Variants in NOP53 observed in about 807,000 individuals in gnomAD.
The protein encoded by NOP53 is NOP53 ribosome biogenesis factor.
NOP53 carries 40 observed loss-of-function variants against 61.0 expected under a neutral mutation model. That is an observed-to-expected ratio of 0.66 (90% CI 0.51 to 0.85). The LOEUF (loss-of-function observed/expected upper bound fraction) is 0.85, where lower values mean the gene tolerates loss of function less well. Ranked by LOEUF, NOP53 falls within the 40% of genes least tolerant of loss-of-function variation. The probability of loss-of-function intolerance (pLI) is 0.00; values close to 1 mark genes in which losing one functional copy is unlikely to be tolerated. For synonymous variants in NOP53, 308 were observed against 289.5 expected (o/e 1.06, Z -0.65); for missense variants, 689 against 652.9 (o/e 1.06, Z -0.60).
rs764922480 is a variant in NOP53 at position 47,751,483 on chromosome 19, G to A, written c.599-37G>A. The A allele has an allele frequency of 4.5e-6, 7 of 1,555,024 alleles. No homozygotes were observed. In the African/African-American group the frequency reaches 9.5e-5, roughly 21 times the overall value. ...GAGCCTTTGGTGCCTCTTCCATGCT[G>A]GGACTGTCCCAGCAGCTCCCCTCGC... On this transcript the variant is annotated intron_variant, in intron 4 of 12. Coordinates refer to ENST00000246802, the MANE Select transcript of NOP53 (RefSeq NM_015710.5).
Position 47,751,014 on chromosome 19 carries a change from C to G in NOP53, c.505C>G (p.Gln169Glu), listed in dbSNP as rs11538675. Reference sequence around the variant, plus strand: ...GCTGCCCCGGGAGGTGCGCAGGGCCCAGGCCCGGCTCCTCAACCCTTCTGC... The same window carrying G: ...GCTGCCCCGGGAGGTGCGCAGGGCCGAGGCCCGGCTCCTCAACCCTTCTGC... ...GELPREVRRA[Q>E]ARLLNPSATR... The change falls in exon 4 of 13, where the codon CAG becomes GAG. Residue 169 changes from glutamine to glutamate, a missense_variant. Physicochemically the swap from Gln to Glu is conservative, Grantham distance 29 (BLOSUM62 2). Transcript: ENST00000246802. 1.9e-6 allele frequency: 3 copies of G among 1,597,892 alleles called. No individual in the cohort carries two copies. Among genetic ancestry groups the G allele is most frequent in the East Asian group, 4.5e-5 (2 of 44,300 alleles).
At chr19:47,750,017 C>T (rs949561880) in intron 2 of NOP53, among the ~76,000 whole-genome samples, 161 bp from the exon 3 acceptor site, 1 of 152,146 alleles carries the variant, frequency 6.6e-6, no homozygotes, top group Admixed American at 6.5e-5. Flanking sequence ...TGGGCCCCAT[C>T]CTTAGGGGCC....
rs549154983 is a variant in NOP53 at position 47,754,425 on chromosome 19, G to A, written c.766-102G>A. 35 of 901,036 alleles carry A rather than the reference G, an allele frequency of 3.9e-5. No homozygotes were observed. In the South Asian group the frequency reaches 4.0e-4, roughly 10 times the overall value. 55.8% of individuals were successfully genotyped at this position (901,036 alleles called of 1,614,324 possible). ...TGGGGAGGAAAGCCTGGGCCGGGGC[G>A]GGATCCACGGGCACTGGATGAGGGA... On this transcript the variant is annotated intron_variant, in intron 6 of 12. Coordinates refer to ENST00000246802, the MANE Select transcript of NOP53 (RefSeq NM_015710.5). The surrounding 1 kb of genome is among the most constrained non-coding windows in gnomAD (Gnocchi z 4.2).
intron 10 of NOP53, 105 bp from the exon 11 acceptor site, chr19:47,756,423 T>G (rs1967198470): frequency 2.0e-5 from 17 of 851,654 alleles, no homozygotes; most frequent in Non-Finnish European, 2.8e-5. Flanking sequence ...CAGGCTGCCC[T>G]GGGGGGAGAC....
Position 47,745,778 on chromosome 19 carries a change from G to C in NOP53, c.219G>C (p.Thr73=), listed in dbSNP as rs768980327. The C allele has an allele frequency of 5.2e-6, 8 of 1,548,492 alleles. No homozygotes were observed. In the Admixed American group the frequency reaches 1.4e-4, roughly 27 times the overall value. ...AAGACGTGCGGCTACAGGAGCGCAC[G>C]AGCGGGTACGTTGGGCGGGACTTCC... ...FLEDVRLQER[T]SGGLLSEAPN... is the part of the protein sequence containing the mutation. Residue 73 remains threonine (T), a synonymous_variant, in exon 1 of 13, where the codon ACG becomes ACC. Coordinates refer to ENST00000246802, the MANE Select transcript of NOP53 (RefSeq NM_015710.5).
At chr19:47,752,732 G>C in intron 6 of NOP53, 125 bp downstream of exon 6, 1 of 658,208 alleles carries the variant, frequency 1.5e-6, no homozygotes, top group Non-Finnish European at 2.8e-6. Context: ...CCGCAACGGG[G>C]CTCACGGTCC....
intron 5 of NOP53, 24 bp from the exon 6 acceptor site, chr19:47,752,488 C>G: frequency 6.7e-7 from 1 of 1,491,262 alleles, no homozygotes; most frequent in East Asian, 2.3e-5. Flanking sequence ...ACGGCCTTAC[C>G]CTGCCTCGGC....
In NOP53 at chr19:47,757,023, A is replaced by T. The variant is rs746474832; in HGVS notation, c.*18A>T. ...GGTTGTAGCTGCCATCAGATGCCGG[A>T]GACTCGCCCTTCAATAAAAAATCTC... On this transcript the variant is annotated 3_prime_UTR_variant, in exon 13 of 13. Coordinates refer to ENST00000246802, the MANE Select transcript of NOP53 (RefSeq NM_015710.5). 2.5e-5 allele frequency: 40 copies of T among 1,613,362 alleles called. No individual in the cohort carries two copies. The highest frequency in any genetic ancestry group is 3.3e-5 in the Non-Finnish European group (39 of 1,179,578).
chr19:47,755,624 A>T lies in NOP53; in HGVS notation c.1229+101A>T, dbSNP rs1337688923. On this transcript the variant is annotated intron_variant, in intron 9 of 12. Transcript: ENST00000246802. ...TGTTCAGGAACTGCCCACCCCCCCC[A>T]TCGGGAGACCACCTCTTCCCCCACA... 13 of 1,237,298 alleles carry T rather than the reference A, an allele frequency of 1.1e-5. No homozygotes were observed. The East Asian group carries it at 3.5e-4, about 34-fold the overall frequency. 76.6% of individuals were successfully genotyped at this position (1,237,298 alleles called of 1,614,324 possible).
In NOP53 at chr19:47,754,436, G is replaced by A. The variant is rs2123677466; in HGVS notation, c.766-91G>A. ...GCCTGGGCCGGGGCGGGATCCACGGGCACTGGATGAGGGACAGATGGGAGG... is the reference window on the plus strand; with the variant it reads ...GCCTGGGCCGGGGCGGGATCCACGGACACTGGATGAGGGACAGATGGGAGG... On this transcript the variant is annotated intron_variant, in intron 6 of 12. Coordinates refer to ENST00000246802, the MANE Select transcript of NOP53 (RefSeq NM_015710.5). The surrounding 1 kb of genome is among the most constrained non-coding windows in gnomAD (Gnocchi z 4.2). 3 of 1,005,852 alleles carry A rather than the reference G, an allele frequency of 3.0e-6. No individual in the cohort carries two copies. Among genetic ancestry groups the A allele is most frequent in the East Asian group, 5.3e-5 (2 of 37,986 alleles). 62.3% of individuals were successfully genotyped at this position (1,005,852 alleles called of 1,614,324 possible).
rs750418232 is a variant in NOP53, at chr19:47,754,862, C to T, written c.1024C>T (p.Arg342Trp). ...CACAGAGAAGAAGACGGAGCAGCAG[C>T]GGCGGCGGGAGAAGGCTGTGCACAG... ...ATTEKKTEQQRRREKAVHRLR... is the reference protein window; with the variant it reads ...ATTEKKTEQQWRREKAVHRLR... Residue 342 changes from arginine (R) to tryptophan (W), a missense_variant, in exon 8 of 13, where the codon CGG (arginine) becomes TGG (tryptophan). Physicochemically the swap from Arg to Trp is moderately radical, Grantham distance 101 (BLOSUM62 -3). Coordinates refer to ENST00000246802, the MANE Select transcript of NOP53 (RefSeq NM_015710.5). This position sits in a 1 kb window ranked among gnomAD's most constrained non-coding sequence, Gnocchi z 4.2. The T allele has an allele frequency of 9.2e-6, 14 of 1,527,920 alleles. No individual in the cohort carries two copies. The highest frequency in any genetic ancestry group is 2.8e-5 in the African/African-American group (2 of 71,694). The allele number at this position is 1,527,920 out of a possible 1,614,324, so 94.6% of individuals were successfully genotyped here.
intron 1 of NOP53, 28 bp downstream of exon 1, chr19:47,745,811 G>T (rs757298179): frequency 6.8e-7 from 1 of 1,467,280 alleles, no homozygotes; most frequent in South Asian, 1.4e-5. Flanking sequence ...TCCGGGAGGT[G>T]GGACGGTTCC....
At chr19:47,751,655 G>A in intron 5 of NOP53, 65 bp downstream of exon 5, 1 of 1,201,428 alleles carries the variant, frequency 8.3e-7, no homozygotes, top group South Asian at 1.2e-5. Flanking sequence ...GCTGCTCTGT[G>A]TTCCTGCAGT....
chr19:47,754,794 C>A lies in NOP53; in HGVS notation c.956C>A (p.Ala319Asp). 6.5e-7 allele frequency: 1 copy of A among 1,531,288 alleles called. No individual in the cohort carries two copies. The highest frequency in any genetic ancestry group is 8.8e-7 in the Non-Finnish European group (1 of 1,141,014). 94.9% of individuals were successfully genotyped at this position (1,531,288 alleles called of 1,614,324 possible). ...GEPGQGEGPE[A>D]GDAEVCPTPA... ...CCAGGCCAGGGCGAGGGGCCGGAGG[C>A]TGGGGATGCCGAGGTCTGTCCCACG... The change falls in exon 8 of 13, where the codon GCT (alanine) becomes GAT (aspartate). Residue 319 changes from alanine to aspartate, a missense_variant. Coordinates refer to ENST00000246802, the MANE Select transcript of NOP53 (RefSeq NM_015710.5). The surrounding 1 kb of genome is among the most constrained non-coding windows in gnomAD (Gnocchi z 4.2).
In NOP53 at chr19:47,754,836, C is replaced by T. The variant is rs1185661319; in HGVS notation, c.998C>T (p.Thr333Ile). ...TGTCCCACGCCCGCCCGCCTGGCCA[C>T]CACAGAGAAGAAGACGGAGCAGCAG... ...EVCPTPARLA[T>I]TEKKTEQQRR... The change falls in exon 8 of 13, where the codon ACC (threonine) becomes ATC (isoleucine). Residue 333 changes from threonine (T) to isoleucine (I), a missense_variant. Thr to Ile is a moderately conservative substitution (Grantham distance 89, BLOSUM62 -1). Coordinates refer to ENST00000246802, the MANE Select transcript of NOP53 (RefSeq NM_015710.5). The surrounding 1 kb of genome is among the most constrained non-coding windows in gnomAD (Gnocchi z 4.2). 6.5e-7 allele frequency: 1 copy of T among 1,542,490 alleles called. No individual in the cohort carries two copies. Among genetic ancestry groups the T allele is most frequent in the South Asian group, 1.2e-5 (1 of 82,618 alleles).
intron 2 of NOP53, among the ~76,000 whole-genome samples, chr19:47,749,368 G>A (rs991337967): frequency 5.9e-5 from 9 of 152,096 alleles, no homozygotes; most frequent in African/African-American, 2.2e-4. Flanking sequence ...AGGAAACACG[G>A]ACAAAGATCA....
intron 2 of NOP53, among the ~76,000 whole-genome samples, chr19:47,748,446 C>A (rs980167970): frequency 2.0e-5 from 3 of 151,956 alleles, no homozygotes; most frequent in African/African-American, 7.3e-5. Flanking sequence ...TGGAAGCAAG[C>A]GAAGGGGTCT....
intron 1 of NOP53, 111 bp from the exon 2 acceptor site, chr19:47,746,856 A>G: frequency 1.2e-6 from 1 of 845,076 alleles, no homozygotes; most frequent in South Asian, 1.5e-5. Flanking sequence ...TTAGCCTGGA[A>G]GAGTCCGGTG....
Position 47,755,751 on chromosome 19 carries a change from T to C in NOP53, c.1230-5T>C. On this transcript the variant is annotated splice_polypyrimidine_tract_variant and splice_region_variant and intron_variant, in intron 9 of 12. Transcript: ENST00000246802. ...ATATTTCTGAACACCCGCCCTGTTC[T>C]GCAGGTACCAGGCACCTGACATCGA... 1 of 1,608,002 alleles carries C rather than the reference T, an allele frequency of 6.2e-7. No individual in the cohort carries two copies. The highest frequency in any genetic ancestry group is 8.5e-7 in the Non-Finnish European group (1 of 1,177,736).
Sources: allele counts gnomAD v4.1 joint callset (sites outside exome capture counted in the v4.1 genomes callset), GRCh38; gene constraint gnomAD v4.1.1; non-coding constraint Gnocchi (gnomAD v3.1); transcripts MANE v1.5; gene names NCBI Gene and HGNC (gene_info 2026-07-23, HGNC 2026-07-21).